The following NLGN1 variants were observed in gnomAD, a reference collection of about 807,000 sequenced individuals.
NLGN1 encodes neuroligin 1.
NLGN1 carries 12 observed loss-of-function variants against 65.5 expected under a neutral mutation model. That is an observed-to-expected ratio of 0.18 (90% CI 0.12 to 0.30). The LOEUF is 0.30. Ranked by LOEUF, NLGN1 falls within the 10% of genes least tolerant of loss-of-function variation. NLGN1 has a pLI of 1.00. For missense variants in NLGN1, 750 were observed against 1,007.1 expected (o/e 0.74, Z 3.46); for synonymous variants, 350 against 359.5 (o/e 0.97, Z 0.30).
chr3:173,540,148 C>T (rs1738596124), intron 2 of NLGN1, among the ~76,000 whole-genome samples: 1 of 151,996 alleles, frequency 6.6e-6, no homozygotes, highest in East Asian at 1.9e-4. Flanking sequence ...GATGGCAGGG[C>T]TTTACTCCCA....
At chr3:173,836,913 G>A (rs1400557202) in intron 4 of NLGN1, among the ~76,000 whole-genome samples, 1 of 152,164 alleles carries the variant, frequency 6.6e-6, no homozygotes, top group Admixed American at 6.5e-5. Context: ...GTAAAGGGAT[G>A]CTGAATATGT....
At chr3:173,865,875 A>G (rs1476388667) in intron 4 of NLGN1, among the ~76,000 whole-genome samples, 5 of 152,222 alleles carry the variant, frequency 3.3e-5, no homozygotes, top group Non-Finnish European at 7.3e-5. Context: ...CTGGAATCTT[A>G]TAAACATAAG....
At chr3:174,090,498 T>C (rs1026441634) in intron 4 of NLGN1, among the ~76,000 whole-genome samples, 2 of 151,732 alleles carry the variant, frequency 1.3e-5, no homozygotes, top group African/African-American at 4.8e-5. Context: ...AAAAAGAGAC[T>C]AAGACAGTAA....
intron 2 of NLGN1, among the ~76,000 whole-genome samples, chr3:173,500,263 G>A (rs554260555): frequency 5.9e-5 from 9 of 152,270 alleles, no homozygotes; most frequent in African/African-American, 1.4e-4. Context: ...TAGCATGAAA[G>A]GTTGTTGAAT....
chr3:173,615,167 G>A (rs1752869144), intron 3 of NLGN1, among the ~76,000 whole-genome samples: 1 of 151,996 alleles, frequency 6.6e-6, no homozygotes, highest in Non-Finnish European at 1.5e-5. Flanking sequence ...ACTATCATCA[G>A]GTAGAAACTT....
chr3:174,005,422 T>C (rs1724163556), intron 4 of NLGN1, among the ~76,000 whole-genome samples: 1 of 152,196 alleles, frequency 6.6e-6, no homozygotes, highest in African/African-American at 2.4e-5. Flanking sequence ...TAGTAGGTGT[T>C]CAATAAATAT....
At chr3:173,919,989 A>T (rs568117313) in intron 4 of NLGN1, among the ~76,000 whole-genome samples, 3 of 152,044 alleles carry the variant, frequency 2.0e-5, no homozygotes, top group South Asian at 2.1e-4. Flanking sequence ...GCTATTTTTT[A>T]AAAAAATATT....
chr3:173,505,114 C>A (rs1731789287), intron 2 of NLGN1, among the ~76,000 whole-genome samples: 1 of 151,948 alleles, frequency 6.6e-6, no homozygotes, highest in Non-Finnish European at 1.5e-5. Flanking sequence ...TTCTGTGTCT[C>A]TGTAAATGAC....
At chr3:173,997,531 A>G (rs1007541352) in intron 4 of NLGN1, among the ~76,000 whole-genome samples, 6 of 152,174 alleles carry the variant, frequency 3.9e-5, no homozygotes, top group Admixed American at 2.0e-4. Context: ...TGTTTGAATT[A>G]AAGCTCTTTA....
intron 3 of NLGN1, among the ~76,000 whole-genome samples, chr3:173,700,563 A>G (rs1422634586): frequency 6.6e-6 from 1 of 151,982 alleles, no homozygotes; most frequent in Non-Finnish European, 1.5e-5. Flanking sequence ...ATTTTCATGG[A>G]GTCTGCGTAG....
intron 4 of NLGN1, among the ~76,000 whole-genome samples, chr3:174,169,495 T>A (rs766439819): frequency 6.6e-6 from 1 of 151,904 alleles, no homozygotes; most frequent in Non-Finnish European, 1.5e-5. Flanking sequence ...AGTGAGCCAG[T>A]TCTCTGGATG....
chr3:173,951,984 G>T (rs1431883051), intron 4 of NLGN1, among the ~76,000 whole-genome samples: 1 of 152,102 alleles, frequency 6.6e-6, no homozygotes, highest in Non-Finnish European at 1.5e-5. Flanking sequence ...ACATGTCTAT[G>T]AACAAAGGCA....
intron 4 of NLGN1, among the ~76,000 whole-genome samples, chr3:174,013,690 A>G (rs1725996445): frequency 6.6e-6 from 1 of 152,062 alleles, no homozygotes; most frequent in Non-Finnish European, 1.5e-5. Context: ...TTTTGAGTCT[A>G]ATGTTTTCTT....
At chr3:173,671,620 A>G (rs1319325423) in intron 3 of NLGN1, among the ~76,000 whole-genome samples, 2 of 152,178 alleles carry the variant, frequency 1.3e-5, no homozygotes, top group African/African-American at 4.8e-5. Flanking sequence ...ACTTTGGTCA[A>G]TCTCCCAACA....
chr3:173,544,291 T>TGTGTGTGA (rs1331718910), intron 2 of NLGN1, among the ~76,000 whole-genome samples: 3 of 151,318 alleles, frequency 2.0e-5, no homozygotes, highest in East Asian at 1.9e-4. Context: ...TGTGTGTGTG[T>TGTGTGTGA]GAATTACTCT....
chr3:174,106,709 A>G (rs956777570), intron 4 of NLGN1, among the ~76,000 whole-genome samples: 22 of 151,964 alleles, frequency 1.4e-4, no homozygotes, highest in Non-Finnish European at 2.9e-5. Context: ...TATGGAGGCT[A>G]TGAACTTCCA....
chr3:173,600,419 G>C (rs1379143193), intron 2 of NLGN1, among the ~76,000 whole-genome samples: 2 of 151,870 alleles, frequency 1.3e-5, no homozygotes, highest in Non-Finnish European at 2.9e-5. Context: ...AACCATGCTT[G>C]CACTATATAA....
At chr3:174,077,399 C>T (rs1741229573) in intron 4 of NLGN1, among the ~76,000 whole-genome samples, 2 of 152,114 alleles carry the variant, frequency 1.3e-5, no homozygotes, top group South Asian at 4.2e-4. Flanking sequence ...TTAAGTGAAA[C>T]TTCTGTTGTT....
chr3:173,653,010 G>A (rs1759452338), intron 3 of NLGN1, among the ~76,000 whole-genome samples: 1 of 151,914 alleles, frequency 6.6e-6, no homozygotes, highest in Non-Finnish European at 1.5e-5. Flanking sequence ...TATTATAAAT[G>A]GGATTACCTT....
Sources: gnomAD v4.1 joint callset for allele counts (sites outside exome capture counted in the v4.1 genomes callset) on GRCh38, gnomAD v4.1.1 for gene constraint, MANE v1.5 for transcripts, NCBI Gene and HGNC (gene_info 2026-07-23, HGNC 2026-07-21) for gene names.